Variants in CFAP206 observed in about 807,000 individuals in gnomAD.
CFAP206 encodes cilia and flagella associated protein 206.
Under a neutral mutation model 65.4 loss-of-function variants are expected in CFAP206, and 53 were observed. The ratio of observed to expected loss-of-function variants is 0.81; its 90% CI spans 0.65 to 1.02. The LOEUF is 1.02. Ranked by LOEUF, CFAP206 falls within the 50% of genes least tolerant of loss-of-function variation. The pLI, the probability that CFAP206 is intolerant of heterozygous loss-of-function variation, is 0.00. For synonymous variants in CFAP206, 250 were observed against 254.4 expected, an observed-to-expected ratio of 0.98 and a Z score of 0.17; for missense variants, 663 against 753.2, an observed-to-expected ratio of 0.88 and a Z score of 1.40.
intron 11 of CFAP206, among the ~76,000 whole-genome samples, chr6:87,456,547 A>G (rs1768645646): frequency 6.6e-6 from 1 of 152,226 alleles, no homozygotes; most frequent in South Asian, 2.1e-4. Context: ...AAATGAAGGC[A>G]TCCACCTCGG....
At position 87,417,086 on chromosome 6, in the gene CFAP206, C is replaced by T. The variant is rs917666863; in HGVS notation, c.631+259C>T. Among the ~76,000 whole-genome samples the T allele has an allele frequency of 3.9e-5, 6 of 152,270 alleles. No individual in the cohort carries two copies. In the East Asian group the frequency reaches 1.2e-3, roughly 29 times the overall value. Reference sequence around the variant, plus strand: ...AAGCAATGAAGGGTCCTGCTCAAAGCTAACCTCCCAGTTCAGCAGGGCTTT... The same window carrying T: ...AAGCAATGAAGGGTCCTGCTCAAAGTTAACCTCCCAGTTCAGCAGGGCTTT... On this transcript the variant is annotated intron_variant, in intron 6 of 12. Coordinates refer to ENST00000369562, the MANE Select transcript of CFAP206 (RefSeq NM_001031743.3).
intron 11 of CFAP206, among the ~76,000 whole-genome samples, chr6:87,437,567 A>T (rs957235194): frequency 4.0e-5 from 6 of 151,818 alleles, no homozygotes; most frequent in Non-Finnish European, 4.4e-5. Flanking sequence ...ATATCTATTA[A>T]TTTTTTCCTT....
At chr6:87,428,290 AT>A (rs11330688) in intron 8 of CFAP206, among the ~76,000 whole-genome samples, 39,343 of 142,720 alleles carry the variant, frequency 0.28, 5,192 homozygotes, top group African/African-American at 0.32. Context: ...GCCTGGCCGT[AT>A]TTTTTTTTTT....
At chr6:87,434,773 C>G in intron 10 of CFAP206, 87 bp from the exon 11 acceptor site, 1 of 758,558 alleles carries the variant, frequency 1.3e-6, no homozygotes. Flanking sequence ...GCTGGAATTA[C>G]AGGCGTGAGC....
At chr6:87,442,445 G>C (rs767618452) in intron 11 of CFAP206, among the ~76,000 whole-genome samples, 1 of 152,088 alleles carries the variant, frequency 6.6e-6, no homozygotes, top group Non-Finnish European at 1.5e-5. Flanking sequence ...TAATGTTGCA[G>C]TACGTACTGT....
At chr6:87,412,148 A>G (rs970932361) in intron 3 of CFAP206, among the ~76,000 whole-genome samples, 7 of 152,248 alleles carry the variant, frequency 4.6e-5, no homozygotes, top group Non-Finnish European at 8.8e-5. Context: ...CGACAGGTAC[A>G]TAAACTAACA....
At chr6:87,457,145 C>G (rs9450696) in intron 11 of CFAP206, among the ~76,000 whole-genome samples, 1 of 138,640 alleles carries the variant, frequency 7.2e-6, no homozygotes, top group African/African-American at 2.7e-5. Context: ...GTGAGACAAC[C>G]TCTCAAAAAA....
intron 11 of CFAP206, among the ~76,000 whole-genome samples, chr6:87,458,941 T>C (rs1022285975): frequency 1.3e-5 from 2 of 152,104 alleles, no homozygotes; most frequent in African/African-American, 2.4e-5. Flanking sequence ...TATGTACACC[T>C]ACTGTGTACC....
intron 1 of CFAP206, among the ~76,000 whole-genome samples, chr6:87,408,304 C>T (rs928211191): frequency 2.6e-5 from 4 of 152,252 alleles, no homozygotes; most frequent in Non-Finnish European, 5.9e-5. Context: ...CAGGGCTGCC[C>T]TCTAGCCTTT....
intron 10 of CFAP206, among the ~76,000 whole-genome samples, chr6:87,434,018 T>G (rs1307607821): frequency 1.3e-5 from 2 of 151,744 alleles, no homozygotes; most frequent in Non-Finnish European, 2.9e-5. Context: ...GAGAACTGCT[T>G]GAATCCAGGA....
intron 11 of CFAP206, among the ~76,000 whole-genome samples, chr6:87,457,647 G>A (rs34090584): frequency 0.038 from 5,715 of 152,158 alleles, 137 homozygotes; most frequent in Middle Eastern, 0.088. Context: ...CCTATCTCTC[G>A]CCATATACAA....
At chr6:87,410,548 T>C in intron 2 of CFAP206, 37 bp from the exon 3 acceptor site, 1 of 1,441,504 alleles carries the variant, frequency 6.9e-7, no homozygotes, top group Middle Eastern at 1.7e-4. Flanking sequence ...TAATGGATTC[T>C]TTCCTAGTTA....
chr6:87,409,869 A>G lies in CFAP206; in HGVS notation c.30A>G (p.Ile10Met). ...CTCCAACTCAGGCCGAAAGTGTTAT[A>G]AGGAGTATTATACGAGAAATAGGAC... The part of the protein sequence containing the change: MPPTQAESV[I>M]RSIIREIGQE... The change falls in exon 2 of 13, where the codon ATA (isoleucine) becomes ATG (methionine). Residue 10 changes from isoleucine (I) to methionine (M), a missense_variant. Coordinates refer to ENST00000369562, the MANE Select transcript of CFAP206 (RefSeq NM_001031743.3). 6.2e-7 allele frequency: 1 copy of G among 1,613,184 alleles called. No homozygotes were observed. The highest frequency in any genetic ancestry group is 8.5e-7 in the Non-Finnish European group (1 of 1,179,556).
intron 2 of CFAP206, 51 bp downstream of exon 2, chr6:87,409,998 A>C: frequency 8.0e-7 from 1 of 1,248,568 alleles, no homozygotes. Flanking sequence ...GTTTTTTAAG[A>C]TGTGGTGTCC....
intron 9 of CFAP206, among the ~76,000 whole-genome samples, chr6:87,430,298 A>G (rs2127951780): frequency 6.6e-6 from 1 of 152,334 alleles, no homozygotes; most frequent in East Asian, 1.9e-4. Flanking sequence ...ACAGAAGTGT[A>G]CGTGAGATTG....
At chr6:87,414,403 T>C (rs930560380) in intron 4 of CFAP206, among the ~76,000 whole-genome samples, 1 of 152,168 alleles carries the variant, frequency 6.6e-6, no homozygotes, top group African/African-American at 2.4e-5. Flanking sequence ...GTTGAAGCAA[T>C]TCTCCCACCT....
chr6:87,435,173 A>T, intron 11 of CFAP206, 120 bp downstream of exon 11: 1 of 654,400 alleles, frequency 1.5e-6, no homozygotes, highest in East Asian at 3.0e-5. Flanking sequence ...GAGGGTCTTT[A>T]CAGGTTGTCT....
intron 1 of CFAP206, among the ~76,000 whole-genome samples, 199 bp from the exon 2 acceptor site, chr6:87,409,636 G>A (rs1425013804): frequency 6.6e-6 from 1 of 150,624 alleles, no homozygotes; most frequent in Non-Finnish European, 1.5e-5. Flanking sequence ...AATCCCAATC[G>A]TTGTCTGTCT....
intron 7 of CFAP206, among the ~76,000 whole-genome samples, chr6:87,419,118 TTTG>T (rs148362329): frequency 0.036 from 5,463 of 150,160 alleles, 113 homozygotes; most frequent in Middle Eastern, 0.073. Context: ...CAAAAAAACG[TTTG>T]TTTTTTTTTT....
Sources: allele counts gnomAD v4.1 joint callset (sites outside exome capture counted in the v4.1 genomes callset), GRCh38; gene constraint gnomAD v4.1.1; transcripts MANE v1.5; gene names NCBI Gene and HGNC (gene_info 2026-07-23, HGNC 2026-07-21).